The following DNAJC6 variants were observed in gnomAD, a reference collection of about 807,000 sequenced individuals.
The protein encoded by DNAJC6 is DnaJ heat shock protein family (Hsp40) member C6.
A neutral mutation model predicts 110.0 loss-of-function variants in DNAJC6; 34 were observed. The ratio of observed to expected loss-of-function variants is 0.31; its 90% CI spans 0.24 to 0.41. The LOEUF (loss-of-function observed/expected upper bound fraction) is 0.41, where lower values mean the gene tolerates loss of function less well. Among genes scored for constraint, DNAJC6 ranks in the 10% least tolerant of loss-of-function variants. DNAJC6 has a pLI of 1.00. For synonymous variants in DNAJC6, 406 were observed against 437.2 expected (o/e 0.93, Z 0.89); for missense variants, 1,031 against 1,207.8 (o/e 0.85, Z 2.17).
chr1:65,407,333 C>T (rs144674239), intron 16 of DNAJC6, among the ~76,000 whole-genome samples: 10 of 152,216 alleles, frequency 6.6e-5, no homozygotes, highest in Non-Finnish European at 8.8e-5. Flanking sequence ...TGGAACATAC[C>T]GCCTGTGAAT....
At chr1:65,322,070 T>C (rs995481404) in intron 1 of DNAJC6, among the ~76,000 whole-genome samples, 3 of 152,206 alleles carry the variant, frequency 2.0e-5, no homozygotes, top group African/African-American at 4.8e-5. Context: ...CCATTATGCC[T>C]CTCATTGGCA....
At chr1:65,370,330 TG>T (rs1645693650) in intron 4 of DNAJC6, among the ~76,000 whole-genome samples, 1 of 152,198 alleles carries the variant, frequency 6.6e-6, no homozygotes, top group South Asian at 2.1e-4. Context: ...TTCCCAATGT[TG>T]CATAACCAAC....
At chr1:65,323,148 T>C (rs984787311) in intron 1 of DNAJC6, among the ~76,000 whole-genome samples, 2 of 152,218 alleles carry the variant, frequency 1.3e-5, no homozygotes, top group Non-Finnish European at 2.9e-5. Context: ...TTTGTGACCT[T>C]GGGCAAGTCA....
intron 1 of DNAJC6, among the ~76,000 whole-genome samples, chr1:65,344,649 T>G (rs942241197): frequency 6.6e-6 from 1 of 152,206 alleles, no homozygotes; most frequent in African/African-American, 2.4e-5. Flanking sequence ...TAATGAGCCC[T>G]CATGCCAAGA....
At chr1:65,312,960 C>T (rs1284684790) in intron 1 of DNAJC6, among the ~76,000 whole-genome samples, 4 of 152,080 alleles carry the variant, frequency 2.6e-5, no homozygotes, top group East Asian at 1.9e-4. Flanking sequence ...CCACCACACC[C>T]GGCTAATTTT....
At chr1:65,358,172 C>G (rs1472986552) in intron 1 of DNAJC6, among the ~76,000 whole-genome samples, 1 of 86,838 alleles carries the variant, frequency 1.2e-5, no homozygotes, top group African/African-American at 5.3e-5. Context: ...GAGCGAGACT[C>G]AGTCTCAAAA....
intron 1 of DNAJC6, among the ~76,000 whole-genome samples, chr1:65,277,674 G>A (rs1653715692): frequency 6.6e-6 from 1 of 151,914 alleles, no homozygotes; most frequent in African/African-American, 2.4e-5. Context: ...GAGCCAGTGG[G>A]GGTCTCAATG....
At chr1:65,362,862 A>G (rs1271092739) in intron 1 of DNAJC6, among the ~76,000 whole-genome samples, 1 of 152,212 alleles carries the variant, frequency 6.6e-6, no homozygotes, top group East Asian at 1.9e-4. Context: ...AACATTCCCA[A>G]AAGATCAGCG....
chr1:65,287,635 C>T (rs1654063781), intron 1 of DNAJC6, among the ~76,000 whole-genome samples: 1 of 152,120 alleles, frequency 6.6e-6, no homozygotes, highest in South Asian at 2.1e-4. Flanking sequence ...ATGGTCTTAG[C>T]CTGTTGCCCA....
At chr1:65,266,176 CTTCTCCAGTCCTCGGG>C (rs1458133536) in intron 1 of DNAJC6, among the ~76,000 whole-genome samples, 1 of 152,016 alleles carries the variant, frequency 6.6e-6, no homozygotes, top group Admixed American at 6.5e-5. Context: ...GGGGCTTGGC[CTTCTCCAGTCCTCGGG>C]AGTCAGCCAC....
intron 1 of DNAJC6, among the ~76,000 whole-genome samples, chr1:65,340,040 A>G (rs566120708): frequency 2.6e-4 from 39 of 152,224 alleles, no homozygotes; most frequent in Non-Finnish European, 5.6e-4. Flanking sequence ...CCCAGAGTTC[A>G]TGGGACCTTG....
intron 1 of DNAJC6, among the ~76,000 whole-genome samples, chr1:65,337,864 A>G (rs1367732648): frequency 6.6e-6 from 1 of 152,192 alleles, no homozygotes; most frequent in Non-Finnish European, 1.5e-5. Flanking sequence ...GAGTATATAG[A>G]GGGACATCAG....
intron 1 of DNAJC6, among the ~76,000 whole-genome samples, chr1:65,317,450 G>T (rs778634847): frequency 1.7e-4 from 26 of 152,194 alleles, no homozygotes; most frequent in Non-Finnish European, 2.9e-4. Flanking sequence ...ACAGGCCATA[G>T]TCTAGATGCA....
chr1:65,302,693 G>T (rs893865143), intron 1 of DNAJC6, among the ~76,000 whole-genome samples: 1 of 150,480 alleles, frequency 6.6e-6, no homozygotes, highest in Non-Finnish European at 1.5e-5. Context: ...CCGCCACCGC[G>T]CCCGGCTAAT....
At chr1:65,331,959 C>T (rs997852926) in intron 1 of DNAJC6, among the ~76,000 whole-genome samples, 2 of 152,132 alleles carry the variant, frequency 1.3e-5, no homozygotes, top group Admixed American at 6.5e-5. Flanking sequence ...CTTCATTCTC[C>T]TGCTGCCACA....
chr1:65,339,150 GTAAA>G (rs1174290052), intron 1 of DNAJC6, among the ~76,000 whole-genome samples: 1 of 152,070 alleles, frequency 6.6e-6, no homozygotes, highest in Non-Finnish European at 1.5e-5. Flanking sequence ...AGATACCTGA[GTAAA>G]TAAATAGGCC....
chr1:65,309,899 C>T lies in DNAJC6; in HGVS notation c.154C>T (p.Arg52Ter). ...NAGAAARSPA[R>*]QPPDRASTMD... ...CGGGGCAGCGGCGCGGAGTCCCGCCCGACAGCCTCCGGACCGCGCCAGCAC... is the reference window on the plus strand; with the variant it reads ...CGGGGCAGCGGCGCGGAGTCCCGCCTGACAGCCTCCGGACCGCGCCAGCAC... Residue 52 changes from arginine (R) to a stop codon, truncating the protein, a stop_gained, in exon 1 of 19, where the codon CGA becomes TGA. Transcript: ENST00000371069. LOFTEE classifies it high-confidence loss of function. 1 of 1,539,958 alleles carries T rather than the reference C, an allele frequency of 6.5e-7. No homozygotes were observed. The highest frequency in any genetic ancestry group is 8.8e-7 in the Non-Finnish European group (1 of 1,141,576).
intron 1 of DNAJC6, among the ~76,000 whole-genome samples, chr1:65,349,208 C>T (rs889224108): frequency 8.1e-5 from 12 of 148,808 alleles, no homozygotes; most frequent in African/African-American, 1.5e-4. Flanking sequence ...TCACTGTATA[C>T]ATAAAATAAA....
At chr1:65,395,094 G>A in intron 13 of DNAJC6, 62 bp downstream of exon 13, 2 of 1,480,174 alleles carry the variant, frequency 1.4e-6, no homozygotes, top group Non-Finnish European at 1.8e-6. Context: ...ATCAGTAAGT[G>A]CTCATATATA....
Sources: allele counts gnomAD v4.1 joint callset (sites outside exome capture counted in the v4.1 genomes callset), GRCh38; gene constraint gnomAD v4.1.1; transcripts MANE v1.5; gene names NCBI Gene and HGNC (gene_info 2026-07-23, HGNC 2026-07-21).